The following CCDC38 variants were observed in gnomAD, a reference collection of about 807,000 sequenced individuals.
The protein encoded by CCDC38 is coiled-coil domain containing 38.
A neutral mutation model predicts 72.8 loss-of-function variants in CCDC38; 69 were observed. That is an observed-to-expected ratio of 0.95 (90% CI 0.78 to 1.16). The LOEUF is 1.16. Among genes scored for constraint, CCDC38 ranks in the 50% most tolerant of loss-of-function variants. CCDC38 has a pLI of 0.00. For missense variants in CCDC38, 626 were observed against 638.9 expected (o/e 0.98, Z 0.22); for synonymous variants, 201 against 213.2 (o/e 0.94, Z 0.50).
chr12:95,907,484 G>A (rs1266847930), intron 4 of CCDC38, among the ~76,000 whole-genome samples: 2 of 110,288 alleles, frequency 1.8e-5, no homozygotes, highest in African/African-American at 4.5e-5. Flanking sequence ...CGGATGGGGC[G>A]GCTGGCCGGG....
chr12:95,940,654 T>TG (rs973274097), intron 1 of CCDC38, among the ~76,000 whole-genome samples: 1 of 151,950 alleles, frequency 6.6e-6, no homozygotes, highest in African/African-American at 2.4e-5. Context: ...TTGGATGGTG[T>TG]GGGGAGATCA....
At chr12:95,888,586 C>T (rs1293591973) in intron 9 of CCDC38, 80 bp from the exon 10 acceptor site, 8 of 1,320,818 alleles carry the variant, frequency 6.1e-6, no homozygotes, top group South Asian at 2.4e-5. Flanking sequence ...GAAATGAGCC[C>T]GTGCACTTGG....
chr12:95,920,777 T>C (rs1046777683), intron 2 of CCDC38, among the ~76,000 whole-genome samples: 2 of 152,086 alleles, frequency 1.3e-5, no homozygotes, highest in African/African-American at 2.4e-5. Context: ...AAATTGGCTG[T>C]AGTGATGGTT....
intron 4 of CCDC38, among the ~76,000 whole-genome samples, chr12:95,908,467 G>C (rs1458110826): frequency 0.083 from 1 of 12 alleles, no homozygotes; most frequent in Non-Finnish European, 0.17. Flanking sequence ...GAGGGAGAGG[G>C]AGAGGGAGAG....
At chr12:95,923,345 G>C (rs963887657) in intron 2 of CCDC38, among the ~76,000 whole-genome samples, 4 of 152,078 alleles carry the variant, frequency 2.6e-5, no homozygotes, top group African/African-American at 9.7e-5. Context: ...TGTTTACAGA[G>C]TCCATGGACC....
intron 4 of CCDC38, among the ~76,000 whole-genome samples, chr12:95,912,463 A>AT (rs1157880194): frequency 6.6e-6 from 1 of 152,040 alleles, no homozygotes; most frequent in African/African-American, 2.4e-5. Context: ...GCAGGGAAGG[A>AT]TGGGGGTGGG....
Position 95,918,926 on chromosome 12 carries a change from A to G in CCDC38, c.88T>C (p.Phe30Leu). 7 of 1,613,016 alleles carry G rather than the reference A, an allele frequency of 4.3e-6. No individual in the cohort carries two copies. Among genetic ancestry groups the G allele is most frequent in the Non-Finnish European group, 5.9e-6 (7 of 1,179,010 alleles). Reference protein sequence around the residue: ...TKEDRPYKIFFRDLFLVKENE... With the variant: ...TKEDRPYKIFLRDLFLVKENE... ...TCTTTGACAAGAAAGAGATCTCTGA[A>G]AAAGATCTTATAAGGCCTGTCCTCT... Residue 30 changes from phenylalanine (F) to leucine (L), a missense_variant, in exon 3 of 16, where the codon TTC becomes CTC. Phe to Leu is a conservative substitution (Grantham distance 22, BLOSUM62 0). Transcript: ENST00000344280.
intron 13 of CCDC38, among the ~76,000 whole-genome samples, chr12:95,873,407 A>G (rs1477787045): frequency 6.6e-6 from 1 of 152,228 alleles, no homozygotes; most frequent in Admixed American, 6.5e-5. Context: ...CCTTTTTAGA[A>G]GTATCATTTT....
intron 13 of CCDC38, among the ~76,000 whole-genome samples, chr12:95,873,737 A>G (rs1451998732): frequency 6.6e-6 from 1 of 152,216 alleles, no homozygotes; most frequent in African/African-American, 2.4e-5. Context: ...CACTCAAGAG[A>G]GAGGTGGCTC....
intron 1 of CCDC38, among the ~76,000 whole-genome samples, chr12:95,937,098 T>C (rs941345803): frequency 4.6e-5 from 7 of 152,194 alleles, no homozygotes; most frequent in African/African-American, 1.7e-4. Flanking sequence ...AAAATCAACT[T>C]TCAGTTATTA....
chr12:95,885,290 C>A (rs2079746939), intron 10 of CCDC38: 1 of 153,954 alleles, frequency 6.5e-6, no homozygotes, highest in South Asian at 2.0e-4. Context: ...ACTGTTTGGA[C>A]TGCAGCAATG....
At chr12:95,914,766 C>T (rs1353423128) in intron 4 of CCDC38, among the ~76,000 whole-genome samples, 1 of 151,976 alleles carries the variant, frequency 6.6e-6, no homozygotes. Context: ...AATAGCCACC[C>T]CCGCTCCTCA....
chr12:95,925,644 T>G (rs2080261746), intron 2 of CCDC38, among the ~76,000 whole-genome samples: 1 of 152,178 alleles, frequency 6.6e-6, no homozygotes, highest in Non-Finnish European at 1.5e-5. Flanking sequence ...TGCTTCCAGT[T>G]TTTGCCCATT....
In CCDC38 at chr12:95,895,088, G is replaced by T. The variant is rs765137427; in HGVS notation, c.673C>A (p.Leu225Met). Reference protein sequence around the residue: ...REYMKYGFFLLQMSPKHWQIQ... With the variant: ...REYMKYGFFLMQMSPKHWQIQ... ...TGCCAATGTTTTGGAGACATTTGCA[G>T]CAGAAAAAAACCATATTTCATATAC... The change falls in exon 8 of 16, where the codon CTG becomes ATG. Residue 225 changes from leucine to methionine, a missense_variant. Physicochemically the swap from Leu to Met is conservative, Grantham distance 15. Transcript: ENST00000344280. The T allele has an allele frequency of 1.2e-6, 2 of 1,612,110 alleles. No individual in the cohort carries two copies. Among genetic ancestry groups the T allele is most frequent in the African/African-American group, 2.7e-5 (2 of 74,796 alleles).
intron 5 of CCDC38, among the ~76,000 whole-genome samples, chr12:95,899,184 A>G (rs2079925467): frequency 6.6e-6 from 1 of 152,230 alleles, no homozygotes; most frequent in Non-Finnish European, 1.5e-5. Flanking sequence ...CAAGGGTACC[A>G]CATCTAACTG....
intron 13 of CCDC38, among the ~76,000 whole-genome samples, chr12:95,873,692 A>G (rs2079606203): frequency 6.6e-6 from 1 of 152,228 alleles, no homozygotes; most frequent in Non-Finnish European, 1.5e-5. Context: ...TCCACTCAAG[A>G]AGATGAGAAT....
rs1227599454 is a variant in CCDC38 at position 95,895,117 on chromosome 12, C to T, written c.644G>A (p.Arg215Lys). 6.2e-7 allele frequency: 1 copy of T among 1,609,116 alleles called. No individual in the cohort carries two copies. The highest frequency in any genetic ancestry group is 1.7e-5 in the Admixed American group (1 of 58,996). ...SEIAKTEFLLREYMKYGFFLL... is the reference protein window; with the variant it reads ...SEIAKTEFLLKEYMKYGFFLL... ...AAAAAAACCATATTTCATATACTCC[C>T]TGAGGAGGAATTCTGTTTTTGCTAT... Residue 215 changes from arginine to lysine, a missense_variant, in exon 8 of 16, where the codon AGG becomes AAG. Arg to Lys is a conservative substitution (Grantham distance 26). Coordinates refer to ENST00000344280, the MANE Select transcript of CCDC38 (RefSeq NM_182496.3).
At chr12:95,902,868 T>G (rs1240265454) in intron 5 of CCDC38, among the ~76,000 whole-genome samples, 1 of 152,150 alleles carries the variant, frequency 6.6e-6, no homozygotes, top group African/African-American at 2.4e-5. Context: ...AACTAGGTCC[T>G]TTGCATTTCC....
chr12:95,918,873 T>C lies in CCDC38; in HGVS notation c.138+3A>G, dbSNP rs1460174743. 11 of 1,576,724 alleles carry C rather than the reference T, an allele frequency of 7.0e-6. No individual in the cohort carries two copies. The highest frequency in any genetic ancestry group is 7.9e-6 in the Non-Finnish European group (9 of 1,146,052). On this transcript the variant is annotated splice_donor_region_variant and intron_variant, in intron 3 of 15. Coordinates refer to ENST00000344280, the MANE Select transcript of CCDC38 (RefSeq NM_182496.3). ...TGGGGTTGTGATTTTAATTAAACTT[T>C]ACCGTTTCCTTTGCTGCCATTTCAT...
Sources: gnomAD v4.1 joint callset for allele counts (sites outside exome capture counted in the v4.1 genomes callset) on GRCh38, gnomAD v4.1.1 for gene constraint, MANE v1.5 for transcripts, NCBI Gene and HGNC (gene_info 2026-07-23, HGNC 2026-07-21) for gene names.